The following PALLD variants were observed in gnomAD, a reference collection of about 807,000 sequenced individuals.
PALLD encodes the protein palladin, cytoskeletal associated protein, also known as palladin.
Under a neutral mutation model 123.5 loss-of-function variants are expected in PALLD, and 61 were observed. That is an observed-to-expected ratio of 0.49 (90% CI 0.40 to 0.61). The LOEUF (loss-of-function observed/expected upper bound fraction) is 0.61. Among genes scored for constraint, PALLD ranks in the 20% least tolerant of loss-of-function variants. PALLD has a pLI of 0.00. For synonymous variants in PALLD, 465 were observed against 496.4 expected (o/e 0.94, Z 0.84); for missense variants, 1,273 against 1,377.0 (o/e 0.92, Z 1.20).
At chr4:168,835,324 A>C (rs1744990234) in intron 10 of PALLD, among the ~76,000 whole-genome samples, 1 of 152,238 alleles carries the variant, frequency 6.6e-6, no homozygotes, top group Non-Finnish European at 1.5e-5. Flanking sequence ...ATAGACACTA[A>C]CCATATACTT....
At chr4:168,660,198 A>G (rs918798661) in intron 2 of PALLD, among the ~76,000 whole-genome samples, 1 of 152,176 alleles carries the variant, frequency 6.6e-6, no homozygotes, top group Admixed American at 6.5e-5. Flanking sequence ...GAATTTTTAA[A>G]TGTTCTTACA....
rs115372194 is a variant in PALLD at position 168,690,661 on chromosome 4, G to T, written c.1394G>T (p.Arg465Leu). Residue 465 changes from arginine (R) to leucine (L), a missense_variant, in exon 7 of 22, where the codon CGT becomes CTT. Coordinates refer to ENST00000505667, the MANE Select transcript of PALLD (RefSeq NM_001166108.2). ...GTGGTGGTTCTGGAGTGCCGGGTCC[G>T]TGGGGCACCCCCTCTGCAGGTCCAG... The part of the protein sequence containing the change: ...GQVVVLECRV[R>L]GAPPLQVQWF... 1.2e-6 allele frequency: 2 copies of T among 1,613,988 alleles called. No individual in the cohort carries two copies. The highest frequency in any genetic ancestry group is 1.7e-5 in the Admixed American group (1 of 60,002).
intron 10 of PALLD, among the ~76,000 whole-genome samples, chr4:168,765,026 A>G (rs1028700893): frequency 3.3e-5 from 5 of 152,184 alleles, no homozygotes; most frequent in Admixed American, 2.6e-4. Flanking sequence ...TCTTTGTAGT[A>G]GGTAGCCTCC....
intron 10 of PALLD, among the ~76,000 whole-genome samples, chr4:168,807,992 CA>C (rs112096270): frequency 0.21 from 32,341 of 151,876 alleles, 3,490 homozygotes; most frequent in South Asian, 0.28. Context: ...AGGTGTGAGC[CA>C]CTGTGCCTGG....
chr4:168,699,224 A>G (rs764719375), intron 8 of PALLD, among the ~76,000 whole-genome samples: 4 of 152,076 alleles, frequency 2.6e-5, no homozygotes, highest in Non-Finnish European at 4.4e-5. Context: ...AATTACAGGC[A>G]TCCACCACCA....
At chr4:168,633,145 A>C (rs1359708687) in intron 2 of PALLD, among the ~76,000 whole-genome samples, 3 of 152,220 alleles carry the variant, frequency 2.0e-5, no homozygotes, top group African/African-American at 7.2e-5. Flanking sequence ...TTCCAAGTGG[A>C]GCTCAATGGA....
At chr4:168,866,088 C>T (rs1750233952) in intron 10 of PALLD, among the ~76,000 whole-genome samples, 1 of 149,530 alleles carries the variant, frequency 6.7e-6, no homozygotes, top group Non-Finnish European at 1.5e-5. Flanking sequence ...TAGTAAGACC[C>T]TGTCTCTACT....
At chr4:168,643,209 G>C (rs1048107408) in intron 2 of PALLD, among the ~76,000 whole-genome samples, 2 of 152,242 alleles carry the variant, frequency 1.3e-5, no homozygotes, top group Non-Finnish European at 2.9e-5. Context: ...AAAGGGAAAA[G>C]CAGTCTGGTT....
intron 10 of PALLD, among the ~76,000 whole-genome samples, chr4:168,889,459 C>T (rs1211302884): frequency 1.3e-5 from 2 of 151,964 alleles, no homozygotes; most frequent in African/African-American, 2.4e-5. Flanking sequence ...CCACCACACC[C>T]GGCCTGCAGT....
At chr4:168,670,739 CAAAAAAACAAAAAAAACA>C (rs1425850070) in intron 3 of PALLD, among the ~76,000 whole-genome samples, 2 of 45,062 alleles carry the variant, frequency 4.4e-5, no homozygotes, top group Non-Finnish European at 3.8e-5. Context: ...GACTCCGTCT[CAAAAAAACAAAAAAAACA>C]AAAAAAACAA....
chr4:168,925,029 C>A lies in PALLD; in HGVS notation c.3309C>A (p.Ala1103=), dbSNP rs752802030. The change falls in exon 20 of 22, where the codon GCC becomes GCA. Residue 1103 remains alanine (A), a synonymous_variant. Coordinates refer to ENST00000505667, the MANE Select transcript of PALLD (RefSeq NM_001166108.2). ...ATGCTGGGTGGTATACTGTGTCAGCCAAGAATGAAGCAGGGATTGTGTCCT... is the reference window on the plus strand; with the variant it reads ...ATGCTGGGTGGTATACTGTGTCAGCAAAGAATGAAGCAGGGATTGTGTCCT... ...KEDAGWYTVS[A]KNEAGIVSCT... is the part of the protein sequence containing the mutation. 7 of 1,614,020 alleles carry A rather than the reference C, an allele frequency of 4.3e-6. No individual in the cohort carries two copies. The highest frequency in any genetic ancestry group is 5.9e-6 in the Non-Finnish European group (7 of 1,179,948).
At chr4:168,676,279 A>T (rs1430345202) in intron 3 of PALLD, among the ~76,000 whole-genome samples, 1 of 152,000 alleles carries the variant, frequency 6.6e-6, no homozygotes, top group Non-Finnish European at 1.5e-5. Flanking sequence ...TTCAACATTT[A>T]TAAAGTTATG....
In PALLD at chr4:168,565,049, TG is replaced by T. The variant is rs1768236981; in HGVS notation, c.908+52640del. ...AAAAAAAAAAAAAAAAAAAATTCGC[TG>T]GGCATGGTGGCACATGCCTGTAGTC... is the stretch of plus-strand genomic sequence containing the variant. On this transcript the variant is annotated intron_variant, in intron 2 of 21. Coordinates refer to ENST00000505667, the MANE Select transcript of PALLD (RefSeq NM_001166108.2). Among the ~76,000 whole-genome samples the T allele has an allele frequency of 2.0e-5, 3 of 147,848 alleles. No individual in the cohort carries two copies. The South Asian group carries it at 6.4e-4, about 31-fold the overall frequency.
intron 2 of PALLD, among the ~76,000 whole-genome samples, chr4:168,596,545 C>A (rs1021909197): frequency 4.6e-5 from 7 of 152,022 alleles, no homozygotes; most frequent in Non-Finnish European, 1.0e-4. Flanking sequence ...GGAGAAATGA[C>A]TTTTGGACAT....
chr4:168,705,102 C>A (rs1784102223), intron 8 of PALLD, among the ~76,000 whole-genome samples: 1 of 152,026 alleles, frequency 6.6e-6, no homozygotes, highest in South Asian at 2.1e-4. Flanking sequence ...GACTTAACTG[C>A]GTTTTTAAGA....
At chr4:168,586,126 A>G (rs1770790465) in intron 2 of PALLD, among the ~76,000 whole-genome samples, 1 of 145,656 alleles carries the variant, frequency 6.9e-6, no homozygotes, top group Non-Finnish European at 1.5e-5. Context: ...AGTATACTAC[A>G]TCGCTTCTCC....
chr4:168,636,757 C>T (rs938045014), intron 2 of PALLD, among the ~76,000 whole-genome samples: 4 of 152,090 alleles, frequency 2.6e-5, no homozygotes, highest in African/African-American at 7.2e-5. Context: ...AAATATCAGC[C>T]CTTTTCTTAC....
At chr4:168,721,188 A>G (rs955008116) in intron 10 of PALLD, among the ~76,000 whole-genome samples, 8 of 152,230 alleles carry the variant, frequency 5.3e-5, no homozygotes, top group African/African-American at 1.9e-4. Context: ...GATGATAACA[A>G]TATTTCTTCA....
rs564917775 is a variant in PALLD at position 168,906,959 on chromosome 4, C to T, written c.2622+3053C>T. Among the ~76,000 whole-genome samples, 6 of 152,224 alleles carry T rather than the reference C, an allele frequency of 3.9e-5. No homozygotes were observed. In the South Asian group the frequency reaches 6.2e-4, roughly 16 times the overall value. On this transcript the variant is annotated intron_variant, in intron 15 of 21. Coordinates refer to ENST00000505667, the MANE Select transcript of PALLD (RefSeq NM_001166108.2). ...GCAACACCGATGATACTGAAAAAAC[C>T]TAGGATGAGGCCGGCAGGCCATGCA...
Sources: gnomAD v4.1 joint callset for allele counts (sites outside exome capture counted in the v4.1 genomes callset) on GRCh38, gnomAD v4.1.1 for gene constraint, MANE v1.5 for transcripts, NCBI Gene and HGNC (gene_info 2026-07-23, HGNC 2026-07-21) for gene names.